RNF213: variants seen among roughly 807,000 people sequenced by gnomAD.
RNF213 encodes E3 ubiquitin-protein ligase RNF213.
RNF213 carries 341 observed loss-of-function variants against 514.4 expected under a neutral mutation model. That is an observed-to-expected ratio of 0.66 (90% CI 0.61 to 0.73). The LOEUF is 0.73. RNF213 is among the 30% of genes least tolerant of loss of function. The probability of loss-of-function intolerance (pLI) is 0.00; values close to 1 mark genes in which losing one functional copy is unlikely to be tolerated. For missense variants in RNF213, 5,767 were observed against 6,615.6 expected, an observed-to-expected ratio of 0.87 and a Z score of 4.45; for synonymous variants, 2,655 against 2,658.2, an observed-to-expected ratio of 1.00 and a Z score of 0.04.
Position 80,263,469 on chromosome 17 carries a change from C to T in RNF213, c.-108-105C>T. On this transcript the variant is annotated intron_variant, in intron 1 of 67. Coordinates refer to ENST00000582970, the MANE Select transcript of RNF213 (RefSeq NM_001256071.3). This position sits in a 1 kb window ranked among gnomAD's most constrained non-coding sequence, Gnocchi z 4.9. ...GCAGAGACTGCAAAAGCTTGAGAGC[C>T]AAGGGGGCAGCACAGAGCGGGGAGG... The T allele has an allele frequency of 1.7e-6, 1 of 590,526 alleles. No homozygotes were observed. The highest frequency in any genetic ancestry group is 3.1e-6 in the Non-Finnish European group (1 of 324,554). The allele number at this position is 590,526 out of a possible 1,614,324, so 36.6% of individuals were successfully genotyped here.
Position 80,396,736 on chromosome 17 carries a change from C to A in RNF213, c.*3238C>A, listed in dbSNP as rs1304522171. On this transcript the variant is annotated 3_prime_UTR_variant, in exon 68 of 68. Transcript: ENST00000582970. ...CCAGGAAAGTGCATTTCCCCCCCAC[C>A]CCCCCCCCCCAACCAGAGCAACTTT... 2 of 52,802 alleles carry A rather than the reference C, an allele frequency of 3.8e-5. No individual in the cohort carries two copies. Among genetic ancestry groups the A allele is most frequent in the African/African-American group, 1.8e-4 (1 of 5,620 alleles). The allele number at this position is 52,802 out of a possible 1,614,324, so 3.3% of individuals were successfully genotyped here.
At chr17:80,354,232 T>C in intron 35 of RNF213, 66 bp downstream of exon 35, 1 of 1,574,240 alleles carries the variant, frequency 6.4e-7, no homozygotes, top group Non-Finnish European at 8.7e-7. Context: ...GTGGGCATCA[T>C]TTCACTGTGT....
rs1194113748 is a variant in RNF213 at position 80,298,515 on chromosome 17, A to G, written c.2207A>G (p.Asp736Gly). ...SFSPFREQML[D>G]TSSLLQFMRE... The stretch of plus-strand genomic sequence containing the variant: ...TCACCGTTCCGGGAACAAATGCTAG[A>G]TACGTAAGTCGTAGAGTTGTGCTTA... Residue 736 changes from aspartate to glycine, a missense_variant, in exon 11 of 68, where the codon GAT becomes GGT. Asp to Gly is a moderately conservative substitution (Grantham distance 94). Around this residue, in one of 13 missense-constraint regions of RNF213, gnomAD observed 592 missense variants for 673.9 expected, o/e 0.88. Transcript: ENST00000582970. 7.4e-6 allele frequency: 12 copies of G among 1,614,132 alleles called. No individual in the cohort carries two copies. Among genetic ancestry groups the G allele is most frequent in the Non-Finnish European group, 1.0e-5 (12 of 1,180,024 alleles).
chr17:80,312,136 G>GA (rs992445199), intron 14 of RNF213, among the ~76,000 whole-genome samples: 11 of 151,120 alleles, frequency 7.3e-5, no homozygotes, highest in East Asian at 1.9e-4. Context: ...TCAAAAAAAA[G>GA]AAAAAAAAGA....
intron 28 of RNF213, 99 bp from the exon 29 acceptor site, chr17:80,344,579 A>C: frequency 7.6e-7 from 1 of 1,318,942 alleles, no homozygotes; most frequent in Non-Finnish European, 1.1e-6. Context: ...CGTTTTTCAT[A>C]AAGGTCCATC....
chr17:80,307,071 G>A, intron 12 of RNF213, 57 bp from the exon 13 acceptor site: 1 of 1,539,952 alleles, frequency 6.5e-7, no homozygotes, highest in Non-Finnish European at 9.0e-7. Flanking sequence ...TTTTAGCAAT[G>A]ACAGTGGCAT....
intron 31 of RNF213, 30 bp from the exon 32 acceptor site, chr17:80,351,655 A>C (rs1208686734): frequency 8.5e-7 from 1 of 1,171,658 alleles, no homozygotes; most frequent in African/African-American, 1.6e-5. Context: ...TGTTTTTAAA[A>C]TAGGTATTCT....
In RNF213 at chr17:80,360,208, T is replaced by A; in HGVS notation, c.11200+2T>A. On this transcript the variant is annotated splice_donor_variant, in intron 38 of 67. Coordinates refer to ENST00000582970, the MANE Select transcript of RNF213 (RefSeq NM_001256071.3). LOFTEE classifies it high-confidence loss of function. The stretch of plus-strand genomic sequence containing the variant: ...CTCAGTACATCACAGACGCAGAAGG[T>A]GAGGCTACCTCAAGACAGGTCAGAT... The A allele has an allele frequency of 6.2e-7, 1 of 1,611,448 alleles. No individual in the cohort carries two copies. Among genetic ancestry groups the A allele is most frequent in the South Asian group, 1.1e-5 (1 of 90,448 alleles).
chr17:80,306,246 A>G lies in RNF213; in HGVS notation c.2211-6A>G, dbSNP rs773123588. 1 of 1,613,828 alleles carries G rather than the reference A, an allele frequency of 6.2e-7. No individual in the cohort carries two copies. The highest frequency in any genetic ancestry group is 1.1e-5 in the South Asian group (1 of 91,080). On this transcript the variant is annotated splice_region_variant and splice_polypyrimidine_tract_variant and intron_variant, in intron 11 of 67. Transcript: ENST00000582970. ...TCTTTTCTCCGTCCCTATTTCTCTT[A>G]TGCAGGAGTTCCCTACTTCAGTTTA...
At position 80,319,174 on chromosome 17, in the gene RNF213, C is replaced by T. The variant is rs373760480; in HGVS notation, c.2902-16C>T. 3 of 1,614,144 alleles carry T rather than the reference C, an allele frequency of 1.9e-6. No homozygotes were observed. Among genetic ancestry groups the T allele is most frequent in the East Asian group, 2.2e-5 (1 of 44,880 alleles). On this transcript the variant is annotated splice_polypyrimidine_tract_variant and intron_variant, in intron 16 of 67. Coordinates refer to ENST00000582970, the MANE Select transcript of RNF213 (RefSeq NM_001256071.3). ...CATCCGAAAGCTCTGAAACCACCCC[C>T]CTTTGATTTTTGCAGGAGGAACCCC...
At chr17:80,304,135 T>G (rs117847664) in intron 11 of RNF213, among the ~76,000 whole-genome samples, 6,076 of 152,106 alleles carry the variant, frequency 0.04, 157 homozygotes, top group Non-Finnish European at 0.056. Flanking sequence ...TTCCTAAAGA[T>G]CCAATCGTTC....
intron 50 of RNF213, 143 bp from the exon 51 acceptor site, chr17:80,375,617 C>T (rs976912032): frequency 2.2e-5 from 15 of 678,794 alleles, no homozygotes; most frequent in Middle Eastern, 6.6e-4. Flanking sequence ...GAGTTAGAAT[C>T]GCTTGAACCC....
In RNF213 at chr17:80,388,479, G is replaced by A. The variant is rs914723491; in HGVS notation, c.14923-133G>A. Reference sequence around the variant, plus strand: ...TGGTGGGTTAATGACGGAGAGGGGCGCTCTTAGCCAAGGGATACACAGGGC... The same window carrying A: ...TGGTGGGTTAATGACGGAGAGGGGCACTCTTAGCCAAGGGATACACAGGGC... On this transcript the variant is annotated intron_variant, in intron 63 of 67. Transcript: ENST00000582970. The A allele has an allele frequency of 1.8e-5, 13 of 738,542 alleles. 1 individual carries two copies. The East Asian group carries it at 2.0e-4, about 11-fold the overall frequency. The allele number at this position is 738,542 out of a possible 1,614,324, so 45.7% of individuals were successfully genotyped here.
intron 10 of RNF213, among the ~76,000 whole-genome samples, chr17:80,298,020 C>T (rs151216618): frequency 1.3e-5 from 2 of 152,242 alleles, no homozygotes; most frequent in African/African-American, 4.8e-5. Flanking sequence ...GGGTTCAAAC[C>T]CCAGCTCTGT....
In RNF213 at chr17:80,363,329, C is replaced by T. The variant is rs367938983; in HGVS notation, c.11568+15C>T. On this transcript the variant is annotated intron_variant, in intron 40 of 67. Coordinates refer to ENST00000582970, the MANE Select transcript of RNF213 (RefSeq NM_001256071.3). The stretch of plus-strand genomic sequence containing the variant: ...GATGTGAGATGGTATGGCCCTCCTC[C>T]GCCTGCCCTGAGCAAGCCTTGTGGT... The T allele has an allele frequency of 9.8e-4, 1,572 of 1,610,928 alleles. 2 individuals are homozygous for T. The highest frequency in any genetic ancestry group is 1.2e-3 in the Non-Finnish European group (1,462 of 1,178,230).
intron 3 of RNF213, among the ~76,000 whole-genome samples, chr17:80,286,303 C>T (rs973314376): frequency 7.2e-5 from 11 of 152,100 alleles, no homozygotes; most frequent in African/African-American, 2.7e-4. Flanking sequence ...GGGGCGCCTC[C>T]TGTGCTTTGT....
chr17:80,339,098 G>T, intron 25 of RNF213, 103 bp from the exon 26 acceptor site: 1 of 962,440 alleles, frequency 1.0e-6, no homozygotes. Context: ...GTGGGCCTGT[G>T]GACAGGGCCG....
At chr17:80,331,515 A>C (rs1030469052) in intron 20 of RNF213, among the ~76,000 whole-genome samples, 1 of 151,392 alleles carries the variant, frequency 6.6e-6, no homozygotes, top group Non-Finnish European at 1.5e-5. Context: ...CAGCCTCCTG[A>C]GTAGCTGGGA....
At chr17:80,265,298 C>T (rs1210356577) in intron 2 of RNF213, among the ~76,000 whole-genome samples, 1 of 152,152 alleles carries the variant, frequency 6.6e-6, no homozygotes, top group Non-Finnish European at 1.5e-5. Flanking sequence ...CCACCCGCCT[C>T]GGCCTCACAA....
Sources: gnomAD v4.1 joint callset for allele counts (sites outside exome capture counted in the v4.1 genomes callset) on GRCh38, gnomAD v4.1.1 for gene constraint, gnomAD v4.1.1 regional missense constraint, Gnocchi (gnomAD v3.1) non-coding constraint, MANE v1.5 for transcripts, NCBI Gene and HGNC (gene_info 2026-07-23, HGNC 2026-07-21) for gene names.